Variants in NXPE2 observed in about 807,000 individuals in gnomAD.
The protein encoded by NXPE2 is neurexophilin and PC-esterase domain family member 2.
NXPE2 carries 34 observed loss-of-function variants against 34.4 expected under a neutral mutation model. The ratio of observed to expected loss-of-function variants is 0.99; its 90% CI spans 0.75 to 1.31. The LOEUF (loss-of-function observed/expected upper bound fraction) is 1.31. Among genes scored for constraint, NXPE2 ranks in the 40% most tolerant of loss-of-function variants. The probability of loss-of-function intolerance (pLI) is 0.00; values close to 1 mark genes in which losing one functional copy is unlikely to be tolerated. For synonymous variants in NXPE2, 235 were observed against 231.3 expected, an observed-to-expected ratio of 1.02 and a Z score of -0.15; for missense variants, 649 against 672.5, an observed-to-expected ratio of 0.97 and a Z score of 0.39.
chr11:114,538,227 T>G, the NXPE2 span, among the ~76,000 whole-genome samples: 1 of 152,236 alleles, frequency 6.6e-6, no homozygotes. Flanking sequence ...GCTAGCCATA[T>G]GTAGAAAGCT....
the NXPE2 span, among the ~76,000 whole-genome samples, chr11:114,571,937 C>T: frequency 6.6e-6 from 1 of 152,192 alleles, no homozygotes; most frequent in Non-Finnish European, 1.5e-5. Flanking sequence ...GGCTGGAGGC[C>T]AACGAACACA....
chr11:114,749,696 C>A, the NXPE2 span, among the ~76,000 whole-genome samples: 25 of 152,294 alleles, frequency 1.6e-4, no homozygotes, highest in African/African-American at 5.8e-4. Flanking sequence ...AGTACATGAC[C>A]AACCATTCAT....
rs1488461887 is a variant in NXPE2, at chr11:114,679,806, A to T, written c.132+44A>T. The T allele has an allele frequency of 3.4e-6, 4 of 1,193,680 alleles. No individual in the cohort carries two copies. The South Asian group carries it at 4.0e-5, about 12-fold the overall frequency. 73.9% of individuals were successfully genotyped at this position (1,193,680 alleles called of 1,614,324 possible). On this transcript the variant is annotated intron_variant, in intron 2 of 5. Transcript: ENST00000389586. The stretch of plus-strand genomic sequence containing the variant: ...AAGAATTTCACAGAAGGTCACGGTG[A>T]CTTCATTTGAATGACCCCCTTTATC...
chr11:114,479,793 G>A, the NXPE2 span, among the ~76,000 whole-genome samples: 1 of 152,142 alleles, frequency 6.6e-6, no homozygotes, highest in African/African-American at 2.4e-5. Flanking sequence ...TAGCTATAAA[G>A]GAATACCCAA....
chr11:114,638,348 T>G, the NXPE2 span, among the ~76,000 whole-genome samples: 8 of 152,048 alleles, frequency 5.3e-5, no homozygotes, highest in African/African-American at 1.9e-4. Context: ...TATTGGTTAT[T>G]CTAGTTATCC....
At chr11:114,603,567 G>A in the NXPE2 span, among the ~76,000 whole-genome samples, 2 of 150,738 alleles carry the variant, frequency 1.3e-5, no homozygotes, top group African/African-American at 4.9e-5. Context: ...GATAAGTATT[G>A]CCTCGTCTCC....
the NXPE2 span, among the ~76,000 whole-genome samples, chr11:114,651,419 G>A: frequency 2.6e-5 from 4 of 152,172 alleles, no homozygotes; most frequent in Non-Finnish European, 4.4e-5. Flanking sequence ...AGCTGCAAAC[G>A]TTTGCGGTGA....
At chr11:114,595,211 T>C in the NXPE2 span, among the ~76,000 whole-genome samples, 1 of 152,300 alleles carries the variant, frequency 6.6e-6, no homozygotes, top group Admixed American at 6.5e-5. Flanking sequence ...TTCTGTTTCA[T>C]TAATGCCAAT....
the NXPE2 span, among the ~76,000 whole-genome samples, chr11:114,646,244 T>G: frequency 6.6e-6 from 1 of 151,964 alleles, no homozygotes; most frequent in Non-Finnish European, 1.5e-5. Flanking sequence ...GATAGCCTTT[T>G]AAAAATATGA....
the NXPE2 span, among the ~76,000 whole-genome samples, chr11:114,588,078 T>A: frequency 0.085 from 12,859 of 152,158 alleles, 673 homozygotes; most frequent in Middle Eastern, 0.2. Context: ...CTTTCAGCAG[T>A]CATATCAGGA....
At chr11:114,573,354 T>C in the NXPE2 span, among the ~76,000 whole-genome samples, 9 of 152,130 alleles carry the variant, frequency 5.9e-5, no homozygotes, top group African/African-American at 2.2e-4. Context: ...TAGTATCTTA[T>C]ATCTCAATGC....
downstream of NXPE2, chr11:114,707,470 T>C (rs1229164968): frequency 2.5e-5 from 9 of 359,078 alleles, no homozygotes; most frequent in African/African-American, 9.2e-5. Flanking sequence ...TCTCAGCTCA[T>C]TGCAACCTCT....
At chr11:114,604,871 A>T in the NXPE2 span, among the ~76,000 whole-genome samples, 16 of 152,088 alleles carry the variant, frequency 1.1e-4, no homozygotes, top group African/African-American at 3.6e-4. Flanking sequence ...CTGGATAATA[A>T]TTGTTGCCTC....
At chr11:114,740,298 A>G in the NXPE2 span, among the ~76,000 whole-genome samples, 5 of 152,182 alleles carry the variant, frequency 3.3e-5, no homozygotes, top group African/African-American at 9.6e-5. Context: ...AAGAGGGAGT[A>G]AGTGGAGCCT....
the NXPE2 span, among the ~76,000 whole-genome samples, chr11:114,778,245 G>A: frequency 1.2e-4 from 19 of 152,172 alleles, no homozygotes; most frequent in African/African-American, 3.6e-4. Flanking sequence ...GAAGGAACAC[G>A]ATGACAAAGA....
At chr11:114,771,774 C>T in the NXPE2 span, among the ~76,000 whole-genome samples, 1 of 152,248 alleles carries the variant, frequency 6.6e-6, no homozygotes, top group Non-Finnish European at 1.5e-5. Flanking sequence ...TCCATTGTGG[C>T]CTTAGCCATG....
At chr11:114,693,524 AAGTAATAC>A (rs1396328063) in intron 2 of NXPE2, among the ~76,000 whole-genome samples, 1 of 152,218 alleles carries the variant, frequency 6.6e-6, no homozygotes, top group South Asian at 2.1e-4. Context: ...AAACAGATTC[AAGTAATAC>A]AGTGAAGTCT....
chr11:114,611,365 G>A, the NXPE2 span, among the ~76,000 whole-genome samples: 1 of 151,396 alleles, frequency 6.6e-6, no homozygotes, highest in Non-Finnish European at 1.5e-5. Flanking sequence ...TTACCCGGTG[G>A]ATAATAAGTG....
At chr11:114,742,113 A>G in the NXPE2 span, among the ~76,000 whole-genome samples, 1 of 152,124 alleles carries the variant, frequency 6.6e-6, no homozygotes, top group Non-Finnish European at 1.5e-5. Context: ...CTGGGTGATG[A>G]AAGCCTCTCA....
Sources: gnomAD v4.1 joint callset for allele counts (sites outside exome capture counted in the v4.1 genomes callset) on GRCh38, gnomAD v4.1.1 for gene constraint, MANE v1.5 for transcripts, NCBI Gene and HGNC (gene_info 2026-07-23, HGNC 2026-07-21) for gene names.